MIPOL1: variants seen among roughly 807,000 people sequenced by gnomAD.
The protein encoded by MIPOL1 is mirror-image polydactyly 1.
A neutral mutation model predicts 60.9 loss-of-function variants in MIPOL1; 57 were observed. That is an observed-to-expected ratio of 0.94 (90% CI 0.76 to 1.17). The LOEUF (loss-of-function observed/expected upper bound fraction) is 1.17, where lower values mean the gene tolerates loss of function less well. Among genes scored for constraint, MIPOL1 ranks in the 50% most tolerant of loss-of-function variants. MIPOL1 has a pLI of 0.00. For missense variants in MIPOL1, 551 were observed against 511.6 expected, an observed-to-expected ratio of 1.08 and a Z score of -0.74; for synonymous variants, 179 against 168.8, an observed-to-expected ratio of 1.06 and a Z score of -0.47.
intron 7 of MIPOL1, among the ~76,000 whole-genome samples, chr14:37,294,833 G>A (rs2085467874): frequency 6.6e-6 from 1 of 152,062 alleles, no homozygotes; most frequent in African/African-American, 2.4e-5. Flanking sequence ...TCTAATTGGT[G>A]TACCTGAAAG....
At chr14:37,370,982 C>T (rs913729176) in intron 10 of MIPOL1, among the ~76,000 whole-genome samples, 3 of 152,086 alleles carry the variant, frequency 2.0e-5, no homozygotes, top group African/African-American at 7.2e-5. Flanking sequence ...TTTAAAACAG[C>T]ACCTAAGATA....
intron 11 of MIPOL1, among the ~76,000 whole-genome samples, chr14:37,431,325 C>T (rs1190694259): frequency 1.3e-5 from 2 of 152,024 alleles, no homozygotes; most frequent in East Asian, 3.9e-4. Context: ...TCCTTGCAAT[C>T]ATTGTCACTT....
chr14:37,495,972 GTTGT>G (rs376017466), intron 11 of MIPOL1, among the ~76,000 whole-genome samples: 1 of 148,078 alleles, frequency 6.8e-6, no homozygotes, highest in Non-Finnish European at 1.5e-5. Flanking sequence ...TTTTGATGGG[GTTGT>G]TTGTTTTTTT....
In MIPOL1 at chr14:37,549,905, T is replaced by TA. The variant is rs1391275678; in HGVS notation, c.*2935dup. The TA allele has an allele frequency of 1.3e-5, 2 of 152,000 alleles. No homozygotes were observed. Among genetic ancestry groups the TA allele is most frequent in the African/African-American group, 4.8e-5 (2 of 41,450 alleles). The allele number at this position is 152,000 out of a possible 1,614,324, so 9.4% of individuals were successfully genotyped here. ...GGCCTGATGCTAAAACCTATCAGCT[T>TA]AGTTTTTTAACATGGTAGTCTAAAC... On this transcript the variant is annotated 3_prime_UTR_variant, in exon 13 of 13. Transcript: ENST00000684589.
intron 6 of MIPOL1, among the ~76,000 whole-genome samples, chr14:37,282,770 A>AT (rs397948428): frequency 6.7e-6 from 1 of 149,612 alleles, no homozygotes; most frequent in Non-Finnish European, 1.5e-5. Flanking sequence ...AAAAAAAAAA[A>AT]GAAGGTAGTT....
At chr14:37,468,037 G>C (rs2094624317) in intron 11 of MIPOL1, among the ~76,000 whole-genome samples, 1 of 147,856 alleles carries the variant, frequency 6.8e-6, no homozygotes, top group Non-Finnish European at 1.5e-5. Context: ...CTGGGTGACA[G>C]AGTGAGTCTC....
At chr14:37,416,896 A>G (rs963150620) in intron 10 of MIPOL1, among the ~76,000 whole-genome samples, 1 of 152,174 alleles carries the variant, frequency 6.6e-6, no homozygotes, top group East Asian at 1.9e-4. Context: ...TCATCTGCTG[A>G]GCGATCCAGC....
intron 10 of MIPOL1, among the ~76,000 whole-genome samples, chr14:37,415,744 G>A (rs1434555686): frequency 1.3e-5 from 2 of 151,914 alleles, no homozygotes; most frequent in African/African-American, 2.4e-5. Flanking sequence ...TCAAACCCTT[G>A]CTCCACCATT....
intron 9 of MIPOL1, among the ~76,000 whole-genome samples, chr14:37,347,717 T>C (rs2091045202): frequency 6.6e-6 from 1 of 152,136 alleles, no homozygotes; most frequent in African/African-American, 2.4e-5. Flanking sequence ...TACAAAGGAA[T>C]TACTGTGAAA....
chr14:37,387,476 C>G (rs2153516357), intron 10 of MIPOL1, among the ~76,000 whole-genome samples: 1 of 151,928 alleles, frequency 6.6e-6, no homozygotes, highest in East Asian at 1.9e-4. Flanking sequence ...TCTCGTAGGG[C>G]TATTAAGACT....
rs541281359 is a variant in MIPOL1 at position 37,332,454 on chromosome 14, A to C, written c.828+23935A>C. 3.3e-5 allele frequency among the ~76,000 whole-genome samples: 5 copies of C among 152,290 alleles called. No individual in the cohort carries two copies. In the South Asian group the frequency reaches 1.0e-3, roughly 32 times the overall value. On this transcript the variant is annotated intron_variant, in intron 9 of 12. Transcript: ENST00000684589. Reference sequence around the variant, plus strand: ...AACTGCATATAACTTTTGACTCCCCAAAACCTAACTACTAATAGCCTACTG... The same window carrying C: ...AACTGCATATAACTTTTGACTCCCCCAAACCTAACTACTAATAGCCTACTG...
intron 12 of MIPOL1, among the ~76,000 whole-genome samples, chr14:37,508,918 T>G (rs2095303814): frequency 6.6e-6 from 1 of 152,176 alleles, no homozygotes; most frequent in African/African-American, 2.4e-5. Flanking sequence ...CATTTAGTAC[T>G]GTTCATCATT....
At chr14:37,539,762 G>C (rs894929008) in intron 12 of MIPOL1, among the ~76,000 whole-genome samples, 2 of 152,054 alleles carry the variant, frequency 1.3e-5, no homozygotes, top group African/African-American at 4.8e-5. Flanking sequence ...AGCCAATGAG[G>C]CTCTCTATGA....
intron 11 of MIPOL1, among the ~76,000 whole-genome samples, chr14:37,463,416 G>A (rs535890412): frequency 6.6e-6 from 1 of 152,238 alleles, no homozygotes; most frequent in Non-Finnish European, 1.5e-5. Context: ...TAGACATATA[G>A]ATCAATGGAA....
chr14:37,228,798 A>G (rs1970178379), intron 1 of MIPOL1, among the ~76,000 whole-genome samples: 1 of 152,192 alleles, frequency 6.6e-6, no homozygotes, highest in African/African-American at 2.4e-5. Context: ...AGAAATACTG[A>G]AAACAATTTG....
At position 37,451,808 on chromosome 14, in the gene MIPOL1, C is replaced by CTTTTTTTTTTTTTTTTTTTTTTTTTTT. The variant is rs535978128; in HGVS notation, c.1031+28883_1031+28884insTTTTTTTTTTTTTTTTTTTTTTTTTTT. On this transcript the variant is annotated intron_variant, in intron 11 of 12. Coordinates refer to ENST00000684589, the MANE Select transcript of MIPOL1 (RefSeq NM_001388067.1). ...CTTAAGGTTCTTTTGTTTATTCTCT[C>CTTTTTTTTTTTTTTTTTTTTTTTTTTT]TTTTTTTTTTTTTTTTTTTTTTTTG... 1.1e-4 allele frequency among the ~76,000 whole-genome samples: 9 copies of CTTTTTTTTTTTTTTTTTTTTTTTTTTT among 84,570 alleles called. 1 individual carries two copies. The highest frequency in any genetic ancestry group is 5.7e-4 in the African/African-American group (9 of 15,754). 55.5% of individuals were successfully genotyped at this position (84,570 alleles called of 152,430 possible).
At position 37,468,248 on chromosome 14, in the gene MIPOL1, T is replaced by C. The variant is rs151009657; in HGVS notation, c.1032-31660T>C. Among the ~76,000 whole-genome samples, 717 of 152,130 alleles carry C rather than the reference T, an allele frequency of 4.7e-3. 9 individuals carry two copies. The highest frequency in any genetic ancestry group is 0.016 in the African/African-American group (657 of 41,500). On this transcript the variant is annotated intron_variant, in intron 11 of 12. Coordinates refer to ENST00000684589, the MANE Select transcript of MIPOL1 (RefSeq NM_001388067.1). Reference sequence around the variant, plus strand: ...AATAAATGCCGCTTTCAGGAATTATTTCACCACAAGTAAATGTTTACTTAA... The same window carrying C: ...AATAAATGCCGCTTTCAGGAATTATCTCACCACAAGTAAATGTTTACTTAA...
intron 12 of MIPOL1, chr14:37,504,265 A>G (rs892199543): frequency 5.9e-5 from 9 of 152,218 alleles, no homozygotes; most frequent in Admixed American, 5.2e-4. Flanking sequence ...CCTAATAGAC[A>G]TCTACAGAAC....
intron 9 of MIPOL1, among the ~76,000 whole-genome samples, chr14:37,357,669 C>G (rs1485714649): frequency 1.3e-5 from 2 of 151,924 alleles, no homozygotes; most frequent in African/African-American, 2.4e-5. Flanking sequence ...AATTCCTTGT[C>G]AGATGGATAG....
Sources: gnomAD v4.1 joint callset for allele counts (sites outside exome capture counted in the v4.1 genomes callset) on GRCh38, gnomAD v4.1.1 for gene constraint, MANE v1.5 for transcripts, NCBI Gene and HGNC (gene_info 2026-07-23, HGNC 2026-07-21) for gene names.